The following PARP8 variants were observed in gnomAD, a reference collection of about 807,000 sequenced individuals.
The protein encoded by PARP8 is poly(ADP-ribose) polymerase family member 8.
In PARP8, 51 loss-of-function variants were observed where a neutral mutation model predicts 124.1. That is an observed-to-expected ratio of 0.41 (90% CI 0.33 to 0.52). The LOEUF (loss-of-function observed/expected upper bound fraction) is 0.52, where lower values mean the gene tolerates loss of function less well. Among genes scored for constraint, PARP8 ranks in the 20% least tolerant of loss-of-function variants. PARP8 has a pLI of 0.21. For synonymous variants in PARP8, 391 were observed against 361.5 expected, an observed-to-expected ratio of 1.08 and a Z score of -0.93; for missense variants, 860 against 1,018.9, an observed-to-expected ratio of 0.84 and a Z score of 2.12.
At chr5:50,770,074 C>T (rs1395776720) in intron 7 of PARP8, among the ~76,000 whole-genome samples, 1 of 151,998 alleles carries the variant, frequency 6.6e-6, no homozygotes, top group Non-Finnish European at 1.5e-5. Flanking sequence ...ATCTGCTTAT[C>T]AGTATATTTG....
rs1357092367 is a variant in PARP8, at chr5:50,818,861, C to T, written c.1669-2352C>T. 3.3e-5 allele frequency among the ~76,000 whole-genome samples: 5 copies of T among 152,186 alleles called. 1 individual carries two copies. The highest frequency in any genetic ancestry group is 3.3e-4 in the Admixed American group (5 of 15,280). On this transcript the variant is annotated intron_variant, in intron 15 of 25. Coordinates refer to ENST00000281631, the MANE Select transcript of PARP8 (RefSeq NM_024615.4). ...TAACATGGTAGCATTTTGTCATTCA[C>T]ACACTCCAATTAGAATGTTTGATGG... is the stretch of plus-strand genomic sequence containing the variant.
At chr5:50,823,448 T>G (rs900522068) in intron 17 of PARP8, among the ~76,000 whole-genome samples, 1 of 152,234 alleles carries the variant, frequency 6.6e-6, no homozygotes, top group Non-Finnish European at 1.5e-5. Flanking sequence ...ATGTTATTAT[T>G]TGCTTAAAAA....
chr5:50,787,180 A>G (rs940520023), intron 9 of PARP8, among the ~76,000 whole-genome samples: 9 of 152,120 alleles, frequency 5.9e-5, no homozygotes, highest in Admixed American at 5.2e-4. Flanking sequence ...TGAATCCAAA[A>G]TGTTCATCAC....
rs1423869018 is a variant in PARP8 at position 50,725,576 on chromosome 5, T to C, written c.147-24575T>C. Among the ~76,000 whole-genome samples the C allele has an allele frequency of 2.0e-5, 3 of 152,202 alleles. No homozygotes were observed. The East Asian group carries it at 5.8e-4, about 29-fold the overall frequency. ...AGGGTATCTGTGAAATTCAAACATA[T>C]TTCATGTGTTCACTGCTAATATGGC... is the stretch of plus-strand genomic sequence containing the variant. On this transcript the variant is annotated intron_variant, in intron 2 of 25. Transcript: ENST00000281631.
At chr5:50,733,200 A>T (rs1757151051) in intron 2 of PARP8, among the ~76,000 whole-genome samples, 1 of 151,854 alleles carries the variant, frequency 6.6e-6, no homozygotes, top group Admixed American at 6.6e-5. Flanking sequence ...GCTACTCAGC[A>T]GGGGAATTGC....
chr5:50,748,638 T>G (rs1206701417), intron 2 of PARP8, among the ~76,000 whole-genome samples: 1 of 152,178 alleles, frequency 6.6e-6, no homozygotes, highest in Non-Finnish European at 1.5e-5. Flanking sequence ...ATATATGGGC[T>G]GAATAGAGAA....
chr5:50,819,978 TAC>T (rs996081904), intron 15 of PARP8, among the ~76,000 whole-genome samples: 2 of 152,204 alleles, frequency 1.3e-5, no homozygotes, highest in African/African-American at 2.4e-5. Context: ...TGTATTTACA[TAC>T]ACACACACAA....
intron 22 of PARP8, among the ~76,000 whole-genome samples, chr5:50,830,983 C>G (rs1362458989): frequency 6.6e-6 from 1 of 151,992 alleles, no homozygotes; most frequent in Non-Finnish European, 1.5e-5. Flanking sequence ...AGAGAACTAC[C>G]TAATTTATTT....
At chr5:50,838,851 C>G (rs913881691) in intron 25 of PARP8, among the ~76,000 whole-genome samples, 32 of 152,042 alleles carry the variant, frequency 2.1e-4, no homozygotes, top group Admixed American at 1.3e-4. Flanking sequence ...TTCTTACCAC[C>G]TAGACCATTA....
chr5:50,839,518 A>G (rs898741195), intron 25 of PARP8, among the ~76,000 whole-genome samples: 1 of 152,196 alleles, frequency 6.6e-6, no homozygotes, highest in Non-Finnish European at 1.5e-5. Flanking sequence ...CTTGATTATT[A>G]TATATGCATC....
chr5:50,812,023 A>G (rs1744513437), intron 14 of PARP8, among the ~76,000 whole-genome samples: 2 of 152,144 alleles, frequency 1.3e-5, no homozygotes, highest in Non-Finnish European at 2.9e-5. Flanking sequence ...AGTCTTTGCT[A>G]TTGTGAATAG....
intron 23 of PARP8, chr5:50,833,362 G>C: frequency 2.2e-6 from 1 of 444,510 alleles, no homozygotes. Context: ...GACTCTCTAG[G>C]AGAAAGAACA....
chr5:50,742,063 G>A, intron 2 of PARP8: 3 of 254,462 alleles, frequency 1.2e-5, no homozygotes, highest in South Asian at 1.1e-4. Flanking sequence ...GCCCGCTTTG[G>A]CCTCCCAAAG....
chr5:50,752,685 A>G (rs1409697748), intron 3 of PARP8, among the ~76,000 whole-genome samples: 2 of 152,026 alleles, frequency 1.3e-5, no homozygotes, highest in Non-Finnish European at 2.9e-5. Flanking sequence ...TTCAATTTCT[A>G]AATGCAGTAA....
chr5:50,765,184 C>T (rs1760935983), intron 7 of PARP8, among the ~76,000 whole-genome samples: 1 of 151,886 alleles, frequency 6.6e-6, no homozygotes, highest in Non-Finnish European at 1.5e-5. Context: ...ATCGCTTGAA[C>T]TCAGGGGGCG....
At chr5:50,837,195 G>A (rs157970) in intron 25 of PARP8, among the ~76,000 whole-genome samples, 136,874 of 152,144 alleles carry the variant, frequency 0.9, 61,629 homozygotes, top group East Asian at 1. Flanking sequence ...AAAATTTCGT[G>A]TTATCATATT....
intron 14 of PARP8, 68 bp downstream of exon 14, chr5:50,797,301 T>C: frequency 8.9e-7 from 1 of 1,117,896 alleles, no homozygotes; most frequent in East Asian, 2.7e-5. Context: ...ATTTGAAATA[T>C]AAAAATAAGT....
At chr5:50,752,368 G>T (rs1233748088) in intron 3 of PARP8, among the ~76,000 whole-genome samples, 1 of 151,946 alleles carries the variant, frequency 6.6e-6, no homozygotes, top group Non-Finnish European at 1.5e-5. Flanking sequence ...GCTTTTTAGG[G>T]ATGGTTCTGG....
In PARP8 at chr5:50,796,995, A is replaced by T; in HGVS notation, c.1442A>T (p.Lys481Ile). 2 of 1,610,536 alleles carry T rather than the reference A, an allele frequency of 1.2e-6. No individual in the cohort carries two copies. Among genetic ancestry groups the T allele is most frequent in the East Asian group, 2.2e-5 (1 of 44,810 alleles). ...SSSQLAPNGA[K>I]CIPVRDRGFL... Reference sequence around the variant, plus strand: ...TGCTTTTTATAGCCAAATGGTGCAAAATGCATTCCAGTACGAGACCGTGGC... The same window carrying T: ...TGCTTTTTATAGCCAAATGGTGCAATATGCATTCCAGTACGAGACCGTGGC... Residue 481 changes from lysine to isoleucine, a missense_variant, in exon 13 of 26, where the codon AAA becomes ATA. By Grantham distance (102) the Lys-to-Ile change is moderately radical. Around this residue, in one of 2 missense-constraint regions of PARP8, gnomAD observed 343 missense variants for 474.7 expected, o/e 0.72. Transcript: ENST00000281631.
Sources: allele counts gnomAD v4.1 joint callset (sites outside exome capture counted in the v4.1 genomes callset), GRCh38; gene constraint gnomAD v4.1.1; regional missense constraint gnomAD v4.1.1; transcripts MANE v1.5; gene names NCBI Gene and HGNC (gene_info 2026-07-23, HGNC 2026-07-21).